Variants in NRF1 observed in about 807,000 individuals in gnomAD.
NRF1 encodes alpha palindromic-binding protein.
NRF1 carries 5 observed loss-of-function variants against 58.5 expected under a neutral mutation model. The ratio of observed to expected loss-of-function variants is 0.09; its 90% CI spans 0.04 to 0.18. The LOEUF is 0.18. NRF1 is among the 10% of genes least tolerant of loss of function. The pLI is 1.00. For synonymous variants in NRF1, 224 were observed against 246.7 expected (o/e 0.91, Z 0.86); for missense variants, 288 against 657.7 (o/e 0.44, Z 6.15).
At chr7:129,657,287 A>T in intron 1 of NRF1, 59 bp from the exon 2 acceptor site, 1 of 1,250,150 alleles carries the variant, frequency 8.0e-7, no homozygotes, top group Non-Finnish European at 1.2e-6. Flanking sequence ...CTCTTAGTTT[A>T]AACATTGTGT....
chr7:129,727,818 G>A (rs1803484105), intron 10 of NRF1, among the ~76,000 whole-genome samples: 3 of 152,206 alleles, frequency 2.0e-5, no homozygotes, highest in Admixed American at 1.3e-4. Flanking sequence ...GCAGCAGGCT[G>A]TGATGCCGGT....
chr7:129,616,016 AT>A (rs1800651413), intron 1 of NRF1, among the ~76,000 whole-genome samples: 1 of 152,240 alleles, frequency 6.6e-6, no homozygotes, highest in Admixed American at 6.5e-5. Context: ...CTCAAGAAAA[AT>A]AAGTGGATTG....
At chr7:129,633,089 C>A (rs1801087013) in intron 1 of NRF1, among the ~76,000 whole-genome samples, 1 of 152,140 alleles carries the variant, frequency 6.6e-6, no homozygotes, top group Non-Finnish European at 1.5e-5. Flanking sequence ...ATCAGACATA[C>A]TTGGTAAATT....
At chr7:129,617,927 A>G (rs553442761) in intron 1 of NRF1, among the ~76,000 whole-genome samples, 1 of 152,290 alleles carries the variant, frequency 6.6e-6, no homozygotes, top group African/African-American at 2.4e-5. Flanking sequence ...TGGAAAGTGA[A>G]ACTGATAAGG....
At chr7:129,636,155 A>G (rs1801164358) in intron 1 of NRF1, among the ~76,000 whole-genome samples, 1 of 152,004 alleles carries the variant, frequency 6.6e-6, no homozygotes, top group Admixed American at 6.6e-5. Flanking sequence ...ACTGTGAGCC[A>G]GTGTTTCTGA....
chr7:129,709,309 C>T, intron 6 of NRF1, 76 bp downstream of exon 6: 1 of 1,261,914 alleles, frequency 7.9e-7, no homozygotes, highest in Non-Finnish European at 1.1e-6. Context: ...GTCATTTCTA[C>T]ATCTTGTGCT....
chr7:129,715,967 T>G (rs893180777), intron 8 of NRF1, among the ~76,000 whole-genome samples: 9 of 150,716 alleles, frequency 6.0e-5, no homozygotes, highest in Non-Finnish European at 1.3e-4. Context: ...ATCGCGCCAC[T>G]GCACTCCAGC....
In NRF1 at chr7:129,730,258, C is replaced by T. The variant is rs189798520; in HGVS notation, c.1348+2893C>T. ...CTGGCTGGTCTCAAACTCTCGGGCT[C>T]GAGCGATCCTCCCACTTTTGCCTCC... is the stretch of plus-strand genomic sequence containing the variant. On this transcript the variant is annotated intron_variant, in intron 10 of 10. Transcript: ENST00000393232. 2.2e-3 allele frequency among the ~76,000 whole-genome samples: 336 copies of T among 152,062 alleles called. 2 individuals are homozygous for T. Among genetic ancestry groups the T allele is most frequent in the African/African-American group, 6.9e-3 (286 of 41,452 alleles).
chr7:129,614,443 T>TTTTGTGTGTGTGTGTGTG (rs1491367764), intron 1 of NRF1, among the ~76,000 whole-genome samples: 1 of 145,746 alleles, frequency 6.9e-6, no homozygotes. Flanking sequence ...AAATATGTAT[T>TTTTGTGTGTGTGTGTGTG]TGTGTGTGTG....
intron 2 of NRF1, among the ~76,000 whole-genome samples, chr7:129,667,960 T>A (rs1400274234): frequency 6.6e-6 from 1 of 152,058 alleles, no homozygotes; most frequent in Non-Finnish European, 1.5e-5. Flanking sequence ...ATACGGAGTC[T>A]TGCTATGGTG....
chr7:129,612,495 G>A (rs1292210928), intron 1 of NRF1, among the ~76,000 whole-genome samples: 1 of 152,198 alleles, frequency 6.6e-6, no homozygotes, highest in Non-Finnish European at 1.5e-5. Context: ...GGAGGTGGCC[G>A]GGGCGGCAGT....
intron 1 of NRF1, among the ~76,000 whole-genome samples, chr7:129,643,719 C>G (rs571364481): frequency 2.0e-5 from 3 of 152,320 alleles, no homozygotes; most frequent in Admixed American, 1.3e-4. Flanking sequence ...CCAACCTTCA[C>G]TAGGCACCTA....
At chr7:129,627,313 G>T (rs1388299341) in intron 1 of NRF1, among the ~76,000 whole-genome samples, 2 of 152,132 alleles carry the variant, frequency 1.3e-5, no homozygotes, top group African/African-American at 4.8e-5. Flanking sequence ...CCCTGCTCAA[G>T]CAGTCCTCCC....
Position 129,646,136 on chromosome 7 carries a change from G to A in NRF1, c.-6-11210G>A, listed in dbSNP as rs112688276. On this transcript the variant is annotated intron_variant, in intron 1 of 10. Transcript: ENST00000393232. Reference sequence around the variant, plus strand: ...TAGGATTACAGGCGTGAGCCACCGCGCCAGGCCTGTGAGACATTTTATACT... The same window carrying A: ...TAGGATTACAGGCGTGAGCCACCGCACCAGGCCTGTGAGACATTTTATACT... Among the ~76,000 whole-genome samples, 1,442 of 152,234 alleles carry A rather than the reference G, an allele frequency of 9.5e-3. 15 individuals carry two copies. The highest frequency in any genetic ancestry group is 0.015 in the Non-Finnish European group (1,042 of 68,006).
rs1395393451 is a variant in NRF1 at position 129,671,553 on chromosome 7, C to G, written c.338+10C>G. The G allele has an allele frequency of 7.2e-7, 1 of 1,385,964 alleles. No homozygotes were observed. Among genetic ancestry groups the G allele is most frequent in the Admixed American group, 1.7e-5 (1 of 59,570 alleles). The allele number at this position is 1,385,964 out of a possible 1,614,324, so 85.9% of individuals were successfully genotyped here. A position where few individuals can be genotyped will look rare whatever the true frequency, so the allele number is the denominator to read the frequency against. Reference sequence around the variant, plus strand: ...AAACACGTTTGCTTCGGTGAGGGCTCCCTTATCCATATTGTTACTATTCCT... The same window carrying G: ...AAACACGTTTGCTTCGGTGAGGGCTGCCTTATCCATATTGTTACTATTCCT... On this transcript the variant is annotated intron_variant, in intron 3 of 10. Coordinates refer to ENST00000393232, the MANE Select transcript of NRF1 (RefSeq NM_005011.5).
At chr7:129,627,564 G>A (rs1800947538) in intron 1 of NRF1, among the ~76,000 whole-genome samples, 1 of 151,940 alleles carries the variant, frequency 6.6e-6, no homozygotes, top group African/African-American at 2.4e-5. Context: ...GACCTTTGTA[G>A]GACTCCAAGT....
At chr7:129,624,990 CTT>C (rs1285961943) in intron 1 of NRF1, among the ~76,000 whole-genome samples, 1 of 152,082 alleles carries the variant, frequency 6.6e-6, no homozygotes, top group Non-Finnish European at 1.5e-5. Context: ...AAACCACAAA[CTT>C]AGTGGTTTCA....
intron 1 of NRF1, among the ~76,000 whole-genome samples, chr7:129,627,948 A>G (rs1562952965): frequency 6.6e-6 from 1 of 152,014 alleles, no homozygotes; most frequent in Non-Finnish European, 1.5e-5. Flanking sequence ...ATGCCCAGGA[A>G]TAGAAGGACT....
At chr7:129,667,741 GTATTTATT>G (rs140688640) in intron 2 of NRF1, among the ~76,000 whole-genome samples, 86,925 of 144,164 alleles carry the variant, frequency 0.6, 27,452 homozygotes, top group East Asian at 0.7. Context: ...AATTTTAAAG[GTATTTATT>G]TATTTATTTA....
Sources: allele counts gnomAD v4.1 joint callset (sites outside exome capture counted in the v4.1 genomes callset), GRCh38; gene constraint gnomAD v4.1.1; transcripts MANE v1.5; gene names NCBI Gene and HGNC (gene_info 2026-07-23, HGNC 2026-07-21).